Variants in KCNC3 observed in about 807,000 individuals in gnomAD.
The protein encoded by KCNC3 is potassium voltage-gated channel subfamily C member 3.
KCNC3 carries 22 observed loss-of-function variants against 43.9 expected under a neutral mutation model. The observed-to-expected ratio is 0.50, with a 90% CI of 0.36 to 0.72. The LOEUF (loss-of-function observed/expected upper bound fraction) is 0.72, where lower values mean the gene tolerates loss of function less well. Ranked by LOEUF, KCNC3 falls within the 30% of genes least tolerant of loss-of-function variation. KCNC3 has a pLI of 0.00. For missense variants in KCNC3, 829 were observed against 1,073.8 expected (o/e 0.77, Z 3.19); for synonymous variants, 492 against 488.0 (o/e 1.01, Z -0.11).
chr19:50,333,526 A>G (rs1345611882), upstream of KCNC3: 1 of 203,574 alleles, frequency 4.9e-6, no homozygotes, highest in Admixed American at 5.3e-5. Flanking sequence ...GTCGCCTCCC[A>G]CGCATGTTGT....
At position 50,328,957 on chromosome 19, in the gene KCNC3, C is replaced by CTGCT. The variant is rs2123547503; in HGVS notation, c.122_125dup (p.Pro43AlafsTer59). 1.1e-6 allele frequency: 1 copy of CTGCT among 891,604 alleles called. No homozygotes were observed. The highest frequency in any genetic ancestry group is 5.7e-5 in the Admixed American group (1 of 17,690). 55.2% of individuals were successfully genotyped at this position (891,604 alleles called of 1,614,324 possible). A position where few individuals can be genotyped will look rare whatever the true frequency, so the allele number is the denominator to read the frequency against. On this transcript the variant is annotated frameshift_variant, in exon 1 of 5. Coordinates refer to ENST00000477616, the MANE Select transcript of KCNC3 (RefSeq NM_004977.3). LOFTEE classifies it high-confidence loss of function. ...ACGCGGCGGGGCCGGGCTGCGCAGG[C>CTGCT]TGCTGCTGCTGCGGCGGCAGCGGTG...
chr19:50,318,219 G>C (rs1464145702), intron 4 of KCNC3, among the ~76,000 whole-genome samples: 2 of 151,786 alleles, frequency 1.3e-5, no homozygotes, highest in Admixed American at 1.3e-4. Context: ...TTGTAGCCCA[G>C]GCTGGAGTGC....
In KCNC3 at chr19:50,328,976, A is replaced by T; in HGVS notation, c.107T>A (p.Leu36Gln). The T allele has an allele frequency of 9.6e-7, 1 of 1,038,370 alleles. No individual in the cohort carries two copies. Among genetic ancestry groups the T allele is most frequent in the Non-Finnish European group, 1.2e-6 (1 of 824,700 alleles). 64.3% of individuals were successfully genotyped at this position (1,038,370 alleles called of 1,614,324 possible). A position where few individuals can be genotyped will look rare whatever the true frequency, so the allele number is the denominator to read the frequency against. The change falls in exon 1 of 5, where the codon CTG (leucine) becomes CAG (glutamine). Residue 36 changes from leucine (L) to glutamine (Q), a missense_variant. This residue lies in a region of KCNC3 where 129 missense variants were observed against 83.6 expected (regional missense o/e 1.54). Transcript: ENST00000477616. ...QPPESPPPPP[L>Q]PPQQQQPAQP... is the part of the protein sequence containing the mutation. ...CGCAGGCTGCTGCTGCTGCGGCGGC[A>T]GCGGTGGCGGCGGCGGGGACTCGGG...
At chr19:50,330,530 G>A (rs1171198075), upstream of KCNC3, among the ~76,000 whole-genome samples, 2 of 152,104 alleles carry the variant, frequency 1.3e-5, no homozygotes, top group Non-Finnish European at 2.9e-5. Flanking sequence ...AGAGGGCACT[G>A]CCTAAAGGTC....
chr19:50,330,117 A>G (rs1397448020), upstream of KCNC3, among the ~76,000 whole-genome samples: 1 of 152,072 alleles, frequency 6.6e-6, no homozygotes, highest in Non-Finnish European at 1.5e-5. Context: ...AAATACAAAA[A>G]TTAGTCGGGC....
In KCNC3 at chr19:50,329,072, G is replaced by A. The variant is rs1477749012; in HGVS notation, c.11C>T (p.Ser4Leu). 4 of 1,196,734 alleles carry A rather than the reference G, an allele frequency of 3.3e-6. No homozygotes were observed. Among genetic ancestry groups the A allele is most frequent in the Non-Finnish European group, 4.3e-6 (4 of 922,426 alleles). The allele number at this position is 1,196,734 out of a possible 1,614,324, so 74.1% of individuals were successfully genotyped here. MLS[S>L]VCVSSFRGRQ... ...CCCGCGGAAGGACGAGACGCAGACT[G>A]AGCTCAGCATTGGACGGGGGGCGGG... The change falls in exon 1 of 5, where the codon TCA becomes TTA. Residue 4 changes from serine to leucine, a missense_variant. Ser to Leu is a moderately radical substitution (Grantham distance 145, BLOSUM62 -2). Transcript: ENST00000477616.
At chr19:50,317,605 C>G (rs1456055842) in intron 4 of KCNC3, among the ~76,000 whole-genome samples, 2 of 152,106 alleles carry the variant, frequency 1.3e-5, no homozygotes, top group Non-Finnish European at 2.9e-5. Context: ...CCCTGGACTC[C>G]AGCAGCCCTC....
At chr19:50,329,940 G>C (rs1176666965), upstream of KCNC3, 1 of 152,642 alleles carries the variant, frequency 6.6e-6, no homozygotes, top group African/African-American at 2.4e-5. Context: ...TGGATGAGTG[G>C]TACTGAGGAA....
upstream of KCNC3, among the ~76,000 whole-genome samples, chr19:50,332,675 T>C (rs1400919166): frequency 2.6e-5 from 4 of 152,028 alleles, no homozygotes; most frequent in East Asian, 7.7e-4. This position sits in a 1 kb window ranked among gnomAD's most constrained non-coding sequence, Gnocchi z 5.8. Context: ...CAGGAGGAAG[T>C]AGACTCGACT....
upstream of KCNC3, among the ~76,000 whole-genome samples, chr19:50,330,493 G>A (rs566440922): frequency 4.5e-4 from 69 of 152,054 alleles, no homozygotes; most frequent in Non-Finnish European, 9.6e-4. Context: ...CCTGGAACGG[G>A]GAGTCTTCGG....
intron 4 of KCNC3, among the ~76,000 whole-genome samples, chr19:50,316,610 C>T (rs8102367): frequency 0.056 from 8,555 of 152,154 alleles, 613 homozygotes; most frequent in African/African-American, 0.17. Context: ...GTGGCAGGCA[C>T]CTGTAATTCC....
upstream of KCNC3, among the ~76,000 whole-genome samples, chr19:50,330,956 G>A (rs1469559611): frequency 6.6e-6 from 1 of 151,994 alleles, no homozygotes; most frequent in Non-Finnish European, 1.5e-5. Context: ...CGAAGGGGGC[G>A]GGTCAGGGGG....
At position 50,315,073 on chromosome 19, in the gene KCNC3, C is replaced by G; in HGVS notation, c.*1042G>C. ...AAGGGTCAGACAGAGAGACCCAAGG[C>G]AGGGAGAAAGAGACAGAGAGAGAAA... On this transcript the variant is annotated 3_prime_UTR_variant, in exon 5 of 5. Coordinates refer to ENST00000477616, the MANE Select transcript of KCNC3 (RefSeq NM_004977.3). The G allele has an allele frequency of 5.2e-6, 1 of 191,464 alleles. No individual in the cohort carries two copies. The highest frequency in any genetic ancestry group is 1.1e-5 in the Non-Finnish European group (1 of 91,350). 11.9% of individuals were successfully genotyped at this position (191,464 alleles called of 1,614,324 possible). A position where few individuals can be genotyped will look rare whatever the true frequency, so the allele number is the denominator to read the frequency against.
intron 3 of KCNC3, 120 bp from the exon 4 acceptor site, chr19:50,320,469 G>T: frequency 3.3e-6 from 3 of 903,326 alleles, no homozygotes; most frequent in Non-Finnish European, 5.2e-6. Flanking sequence ...GAGGGAGGCA[G>T]TTTGGGGCCA....
chr19:50,332,272 A>G (rs2037197580), upstream of KCNC3, among the ~76,000 whole-genome samples: 1 of 152,132 alleles, frequency 6.6e-6, no homozygotes, highest in African/African-American at 2.4e-5. This position sits in a 1 kb window ranked among gnomAD's most constrained non-coding sequence, Gnocchi z 5.8. Context: ...CTCCCCCCTC[A>G]ACCCTGCTTT....
At position 50,323,077 on chromosome 19, in the gene KCNC3, C is replaced by G. The variant is rs368232448; in HGVS notation, c.1876G>C (p.Gly626Arg). ...GPHTHPGLLR[G>R]GAGGLGIMGL... ...ATGATCCCCAGCCCACCCGCTCCCC[C>G]CCTGAGCAGCCCGGGGTGCGTGTGG... The change falls in exon 2 of 5, where the codon GGG (glycine) becomes CGG (arginine). Residue 626 changes from glycine to arginine, a missense_variant. By Grantham distance (125) the Gly-to-Arg change is moderately radical. Coordinates refer to ENST00000477616, the MANE Select transcript of KCNC3 (RefSeq NM_004977.3). 123 of 1,539,642 alleles carry G rather than the reference C, an allele frequency of 8.0e-5. 2 individuals are homozygous for G. In the South Asian group the frequency reaches 1.1e-3, roughly 14 times the overall value.
At position 50,315,812 on chromosome 19, in the gene KCNC3, A is replaced by C; in HGVS notation, c.*303T>G. 1.4e-5 allele frequency: 3 copies of C among 219,050 alleles called. No homozygotes were observed. The highest frequency in any genetic ancestry group is 2.8e-5 in the Non-Finnish European group (3 of 105,460). 13.6% of individuals were successfully genotyped at this position (219,050 alleles called of 1,614,324 possible). ...AGGCTCTCACAGGCATCTCACAGCT[A>C]ATGGGACTCAAGATCCAGCAACAGT... is the stretch of plus-strand genomic sequence containing the variant. On this transcript the variant is annotated 3_prime_UTR_variant, in exon 5 of 5. Coordinates refer to ENST00000477616, the MANE Select transcript of KCNC3 (RefSeq NM_004977.3).
intron 1 of KCNC3, among the ~76,000 whole-genome samples, chr19:50,326,324 C>T (rs892604787): frequency 1.3e-5 from 2 of 152,260 alleles, no homozygotes; most frequent in Admixed American, 1.3e-4. Flanking sequence ...AAGGGCGCCC[C>T]GGCCATGGGG....
In KCNC3 at chr19:50,323,636, G is replaced by A. The variant is rs200510112; in HGVS notation, c.1317C>T (p.His439=). The change falls in exon 2 of 5, where the codon CAC becomes CAT. Residue 439 remains histidine (H), a synonymous_variant. Coordinates refer to ENST00000477616, the MANE Select transcript of KCNC3 (RefSeq NM_004977.3). ...RHFVGLRVLG[H]TLRASTNEFL... ...ACTCGTTGGTGCTGGCGCGGAGCGT[G>A]TGTCCCAGCACGCGCAGCCCCACGA... is the stretch of plus-strand genomic sequence containing the variant. 20 of 1,614,098 alleles carry A rather than the reference G, an allele frequency of 1.2e-5. No homozygotes were observed. Among genetic ancestry groups the A allele is most frequent in the African/African-American group, 2.7e-5 (2 of 74,958 alleles).
Sources: gnomAD v4.1 joint callset for allele counts (sites outside exome capture counted in the v4.1 genomes callset) on GRCh38, gnomAD v4.1.1 for gene constraint, gnomAD v4.1.1 regional missense constraint, Gnocchi (gnomAD v3.1) non-coding constraint, MANE v1.5 for transcripts, NCBI Gene and HGNC (gene_info 2026-07-23, HGNC 2026-07-21) for gene names.